The following RTN1 variants were observed in gnomAD, a reference collection of about 807,000 sequenced individuals.
RTN1 encodes the protein reticulon-1.
Under a neutral mutation model 65.5 loss-of-function variants are expected in RTN1, and 25 were observed. That is an observed-to-expected ratio of 0.38 (90% CI 0.28 to 0.53). The LOEUF is 0.53. Ranked by LOEUF, RTN1 falls within the 20% of genes least tolerant of loss-of-function variation. The probability of loss-of-function intolerance (pLI) is 0.79; values close to 1 mark genes in which losing one functional copy is unlikely to be tolerated. For missense variants in RTN1, 983 were observed against 1,025.4 expected (o/e 0.96, Z 0.57); for synonymous variants, 471 against 447.6 (o/e 1.05, Z -0.66).
intron 3 of RTN1, among the ~76,000 whole-genome samples, chr14:59,646,063 A>C (rs1272925444): frequency 6.6e-6 from 1 of 152,208 alleles, no homozygotes; most frequent in Admixed American, 6.5e-5. Flanking sequence ...GAAAACTAAC[A>C]ATCAAAATAA....
intron 3 of RTN1, among the ~76,000 whole-genome samples, chr14:59,722,853 A>G (rs1369037035): frequency 6.7e-6 from 1 of 149,826 alleles, no homozygotes; most frequent in Non-Finnish European, 1.5e-5. Context: ...GCTGGAGTGC[A>G]GTGGTGTGAT....
intron 3 of RTN1, among the ~76,000 whole-genome samples, chr14:59,709,074 G>C (rs1884360558): frequency 6.6e-6 from 1 of 152,118 alleles, no homozygotes; most frequent in Non-Finnish European, 1.5e-5. Context: ...ATTAGATGAT[G>C]TTAAGTATTT....
At chr14:59,802,343 A>G (rs1351015504) in intron 1 of RTN1, among the ~76,000 whole-genome samples, 2 of 152,220 alleles carry the variant, frequency 1.3e-5, no homozygotes, top group Non-Finnish European at 2.9e-5. Flanking sequence ...AGACTTCCTG[A>G]ATCATAATCT....
At chr14:59,667,196 T>C (rs907860276) in intron 3 of RTN1, among the ~76,000 whole-genome samples, 9 of 152,128 alleles carry the variant, frequency 5.9e-5, no homozygotes, top group African/African-American at 1.9e-4. Flanking sequence ...TGAACATCAA[T>C]GTGAAAATCC....
At chr14:59,856,977 T>C (rs191833435) in intron 1 of RTN1, among the ~76,000 whole-genome samples, 4 of 152,310 alleles carry the variant, frequency 2.6e-5, no homozygotes, top group East Asian at 1.9e-4. Context: ...CAGTCATATG[T>C]CTTGCCCACA....
rs1246084127 is a variant in RTN1, at chr14:59,749,559, CTA to C, written c.242-3080_242-3079del. Among the ~76,000 whole-genome samples, 6 of 29,468 alleles carry C rather than the reference CTA, an allele frequency of 2.0e-4. 1 individual carries two copies. Among genetic ancestry groups the C allele is most frequent in the Non-Finnish European group, 2.5e-4 (5 of 20,264 alleles). The allele number at this position is 29,468 out of a possible 152,430, so 19.3% of individuals were successfully genotyped here. A position where few individuals can be genotyped will look rare whatever the true frequency, so the allele number is the denominator to read the frequency against. On this transcript the variant is annotated intron_variant, in intron 1 of 8. Transcript: ENST00000267484. ...TATCTATATATATTTATATAGATAT[CTA>C]TATATAGATATATATATATAGATAT...
intron 3 of RTN1, among the ~76,000 whole-genome samples, chr14:59,697,970 G>A (rs1303629316): frequency 6.6e-6 from 1 of 152,138 alleles, no homozygotes; most frequent in Non-Finnish European, 1.5e-5. Flanking sequence ...GGGATAAATG[G>A]ACTTAAAAGC....
chr14:59,866,441 G>T (rs1887800254), intron 1 of RTN1, among the ~76,000 whole-genome samples: 1 of 152,132 alleles, frequency 6.6e-6, no homozygotes, highest in Admixed American at 6.5e-5. Context: ...GCAGGGCAAT[G>T]AGCAGGGTGG....
chr14:59,813,248 T>C (rs1886761367), intron 1 of RTN1, among the ~76,000 whole-genome samples: 1 of 152,208 alleles, frequency 6.6e-6, no homozygotes, highest in Non-Finnish European at 1.5e-5. Context: ...AAAACTCTCA[T>C]ATCTGCACAC....
intron 3 of RTN1, among the ~76,000 whole-genome samples, chr14:59,661,638 C>A (rs1412411294): frequency 6.6e-6 from 1 of 152,068 alleles, no homozygotes; most frequent in African/African-American, 2.4e-5. Context: ...TAAACAGAAC[C>A]AACAACAAAA....
intron 3 of RTN1, among the ~76,000 whole-genome samples, chr14:59,620,443 G>C (rs73307686): frequency 0.028 from 4,241 of 152,170 alleles, 121 homozygotes; most frequent in African/African-American, 0.069. Context: ...ATGTCCTGTA[G>C]TGTCAACTAC....
At chr14:59,644,539 G>C (rs1882849237) in intron 3 of RTN1, among the ~76,000 whole-genome samples, 1 of 152,154 alleles carries the variant, frequency 6.6e-6, no homozygotes, top group South Asian at 2.1e-4. Context: ...CGGGCTTCCT[G>C]GCAAAAGCAG....
intron 3 of RTN1, chr14:59,610,024 T>C (rs1014765354): frequency 2.8e-6 from 2 of 712,718 alleles, no homozygotes; most frequent in African/African-American, 1.7e-5. Context: ...TTGTGAGACG[T>C]GAAGGGGCTC....
intron 1 of RTN1, among the ~76,000 whole-genome samples, chr14:59,848,404 C>A (rs12434157): frequency 0.22 from 33,653 of 152,126 alleles, 4,192 homozygotes; most frequent in East Asian, 0.56. Flanking sequence ...AACAGAATTC[C>A]TTTATCATCA....
chr14:59,838,431 G>A (rs1480701191), intron 1 of RTN1, among the ~76,000 whole-genome samples: 2 of 152,026 alleles, frequency 1.3e-5, no homozygotes, highest in East Asian at 1.9e-4. Context: ...CAGTATCAGG[G>A]GGTATTATAA....
chr14:59,635,413 C>G (rs191977112), intron 3 of RTN1, among the ~76,000 whole-genome samples: 1 of 151,994 alleles, frequency 6.6e-6, no homozygotes, highest in East Asian at 1.9e-4. Context: ...AAAATTGAAC[C>G]TTAGAAATGA....
At chr14:59,624,812 G>A (rs111471431) in intron 3 of RTN1, among the ~76,000 whole-genome samples, 8 of 152,220 alleles carry the variant, frequency 5.3e-5, no homozygotes, top group Non-Finnish European at 1.2e-4. Context: ...CAATACATGG[G>A]TGCAAACATG....
Position 59,596,478 on chromosome 14 carries a change from C to G in RTN1, c.*267G>C. On this transcript the variant is annotated 3_prime_UTR_variant, in exon 9 of 9. Transcript: ENST00000267484. ...CGAAGAGGGAAAGATAACTTGGGCT[C>G]TCACCATCATGCACTTTTTTTAGCA... is the stretch of plus-strand genomic sequence containing the variant. 3.6e-6 allele frequency: 1 copy of G among 280,548 alleles called. No individual in the cohort carries two copies. Among genetic ancestry groups the G allele is most frequent in the Non-Finnish European group, 6.7e-6 (1 of 149,884 alleles). The allele number at this position is 280,548 out of a possible 1,614,324, so 17.4% of individuals were successfully genotyped here.
At chr14:59,796,067 G>A (rs1026993759) in intron 1 of RTN1, among the ~76,000 whole-genome samples, 1 of 152,168 alleles carries the variant, frequency 6.6e-6, no homozygotes, top group African/African-American at 2.4e-5. Flanking sequence ...CCATAAAGAC[G>A]TTTTGGTCAA....
Sources: gnomAD v4.1 joint callset for allele counts (sites outside exome capture counted in the v4.1 genomes callset) on GRCh38, gnomAD v4.1.1 for gene constraint, MANE v1.5 for transcripts, NCBI Gene and HGNC (gene_info 2026-07-23, HGNC 2026-07-21) for gene names.